The following SYTL2 variants were observed in gnomAD, a reference collection of about 807,000 sequenced individuals.
SYTL2 encodes synaptotagmin-like protein 2.
A neutral mutation model predicts 198.7 loss-of-function variants in SYTL2; 165 were observed. The ratio of observed to expected loss-of-function variants is 0.83; its 90% CI spans 0.73 to 0.94. The LOEUF (loss-of-function observed/expected upper bound fraction) is 0.94. SYTL2 is among the 40% of genes least tolerant of loss of function. The pLI, the probability that SYTL2 is intolerant of heterozygous loss-of-function variation, is 0.00. For synonymous variants in SYTL2, 966 were observed against 917.7 expected (o/e 1.05, Z -0.95); for missense variants, 2,835 against 2,582.8 (o/e 1.10, Z -2.12).
chr11:85,773,332 G>C (rs949870849), intron 1 of SYTL2, among the ~76,000 whole-genome samples: 8 of 152,170 alleles, frequency 5.3e-5, no homozygotes, highest in African/African-American at 1.9e-4. Context: ...ACAGTACCTT[G>C]AAGTTAGTTC....
chr11:85,742,432 C>T (rs2090865845), intron 4 of SYTL2, among the ~76,000 whole-genome samples: 1 of 152,206 alleles, frequency 6.6e-6, no homozygotes. Flanking sequence ...CCCACCTTGG[C>T]TCAGCCATGT....
At chr11:85,728,025 T>C in intron 7 of SYTL2, 58 bp from the exon 8 acceptor site, 1 of 1,399,580 alleles carries the variant, frequency 7.1e-7, no homozygotes, top group Middle Eastern at 2.0e-4. Context: ...GAACTGTTAA[T>C]CATTCACATC....
chr11:85,840,500 A>C, the SYTL2 span, among the ~76,000 whole-genome samples: 2 of 152,174 alleles, frequency 1.3e-5, no homozygotes, highest in East Asian at 1.9e-4. Context: ...AGGGCTACCA[A>C]AACAGCATGG....
intron 1 of SYTL2, among the ~76,000 whole-genome samples, chr11:85,763,958 A>G (rs1372643801): frequency 6.6e-6 from 1 of 152,250 alleles, no homozygotes; most frequent in Non-Finnish European, 1.5e-5. Context: ...CCTCCCTCTC[A>G]GCAGAAAGAT....
Position 85,737,630 on chromosome 11 carries a change from C to A in SYTL2, c.416G>T (p.Ser139Ile), listed in dbSNP as rs1012803865. The change falls in exon 5 of 20, where the codon AGT becomes ATT. Residue 139 changes from serine to isoleucine, a missense_variant. Around this residue, in one of 3 missense-constraint regions of SYTL2, gnomAD observed 2,645 missense variants for 2,381.7 expected, o/e 1.11. Transcript: ENST00000359152. ...GTTTTCCTGGGACATATCAATCACA[C>A]TGGAAGCTGGATTTACCACACTGGA... ...PSSSVVNPASSVIDMSQENTR... is the reference protein window; with the variant it reads ...PSSSVVNPASIVIDMSQENTR... 2 of 1,613,786 alleles carry A rather than the reference C, an allele frequency of 1.2e-6. No homozygotes were observed. Among genetic ancestry groups the A allele is most frequent in the African/African-American group, 2.7e-5 (2 of 74,918 alleles).
chr11:85,822,964 C>T, the SYTL2 span, among the ~76,000 whole-genome samples: 3 of 152,218 alleles, frequency 2.0e-5, no homozygotes, highest in African/African-American at 2.4e-5. Flanking sequence ...ATGGTAAGGT[C>T]GCCATGCTGG....
the SYTL2 span, chr11:85,853,343 G>T: frequency 2.2e-6 from 1 of 444,950 alleles, no homozygotes; most frequent in African/African-American, 2.0e-5. Flanking sequence ...TTGGGATGCT[G>T]TTGATCTATG....
At chr11:85,731,209 C>T (rs547644656) in intron 7 of SYTL2, among the ~76,000 whole-genome samples, 1 of 152,322 alleles carries the variant, frequency 6.6e-6, no homozygotes, top group Admixed American at 6.5e-5. Context: ...CTACCATTGA[C>T]TCTCATCACA....
At chr11:85,805,618 G>A (rs2092948915) in intron 1 of SYTL2, among the ~76,000 whole-genome samples, 1 of 152,228 alleles carries the variant, frequency 6.6e-6, no homozygotes, top group African/African-American at 2.4e-5. Context: ...CTGTGGCCGG[G>A]AGGGATGGCA....
Position 85,725,000 on chromosome 11 carries a change from T to A in SYTL2, c.4358A>T (p.Gln1453Leu). 1 of 1,614,094 alleles carries A rather than the reference T, an allele frequency of 6.2e-7. No individual in the cohort carries two copies. The highest frequency in any genetic ancestry group is 8.5e-7 in the Non-Finnish European group (1 of 1,179,974). ...AAGCGTCTGGTCTGATGGAGACATT[T>A]GGGCAGCTAAATAAGATCCAACTTC... ...THEVGSYLAA[Q>L]MSPSDQTLSS... Residue 1453 changes from glutamine to leucine, a missense_variant, in exon 8 of 20, where the codon CAA becomes CTA. Physicochemically the swap from Gln to Leu is moderately radical, Grantham distance 113. This residue lies in a region of SYTL2 where 2,645 missense variants were observed against 2,381.7 expected (regional missense o/e 1.11). Coordinates refer to ENST00000359152, the MANE Select transcript of SYTL2 (RefSeq NM_206927.4).
intron 2 of SYTL2, among the ~76,000 whole-genome samples, chr11:85,755,470 G>C (rs113867876): frequency 6.6e-6 from 1 of 152,080 alleles, no homozygotes; most frequent in Non-Finnish European, 1.5e-5. Flanking sequence ...AAAACACAAA[G>C]GCAGCACCAG....
In SYTL2 at chr11:85,725,137, T is replaced by C. The variant is rs566050948; in HGVS notation, c.4221A>G (p.Val1407=). Residue 1407 remains valine, a synonymous_variant, in exon 8 of 20, where the codon GTA becomes GTG. Coordinates refer to ENST00000359152, the MANE Select transcript of SYTL2 (RefSeq NM_206927.4). The part of the protein sequence containing the change: ...NPEFPEAVQP[V]CSPLNPPGVI... ...CTCCTGGAGGATTTAGGGGGCTACA[T>C]ACTGGCTGTACTGCTTCAGGAAATT... 19 of 1,614,118 alleles carry C rather than the reference T, an allele frequency of 1.2e-5. No individual in the cohort carries two copies. The South Asian group carries it at 2.0e-4, about 17-fold the overall frequency.
intron 14 of SYTL2, among the ~76,000 whole-genome samples, chr11:85,708,770 A>C (rs1303152258): frequency 1.3e-5 from 2 of 151,024 alleles, no homozygotes; most frequent in Non-Finnish European, 2.9e-5. Context: ...TATCTGTAAA[A>C]TGAAGGAACT....
intron 16 of SYTL2, among the ~76,000 whole-genome samples, chr11:85,701,656 T>C (rs921856558): frequency 1.3e-5 from 2 of 152,242 alleles, no homozygotes; most frequent in Non-Finnish European, 2.9e-5. Flanking sequence ...GATTTTGATA[T>C]AACATTTGAG....
Position 85,734,681 on chromosome 11 carries a change from C to A in SYTL2, c.648G>T (p.Glu216Asp). Residue 216 changes from glutamate to aspartate, a missense_variant, in exon 7 of 20, where the codon GAG becomes GAT. By Grantham distance (45) the Glu-to-Asp change is conservative. This residue lies in a region of SYTL2 where 2,645 missense variants were observed against 2,381.7 expected (regional missense o/e 1.11). Coordinates refer to ENST00000359152, the MANE Select transcript of SYTL2 (RefSeq NM_206927.4). ...TVADTSIQKL[E>D]KSKQTLPGLS... Reference sequence around the variant, plus strand: ...GGCCTGGCAAAGTCTGCTTTGATTTCTCTAACTTTTGGATTGAAGTATCTG... The same window carrying A: ...GGCCTGGCAAAGTCTGCTTTGATTTATCTAACTTTTGGATTGAAGTATCTG... 6.2e-7 allele frequency: 1 copy of A among 1,614,156 alleles called. No individual in the cohort carries two copies. The highest frequency in any genetic ancestry group is 8.5e-7 in the Non-Finnish European group (1 of 1,180,016).
At chr11:85,788,692 G>T (rs969733509) in intron 1 of SYTL2, among the ~76,000 whole-genome samples, 20 of 151,848 alleles carry the variant, frequency 1.3e-4, no homozygotes, top group Admixed American at 5.3e-4. Context: ...GTCAATAGCT[G>T]CTCTGACCTT....
At chr11:85,843,834 T>A in the SYTL2 span, among the ~76,000 whole-genome samples, 1 of 152,134 alleles carries the variant, frequency 6.6e-6, no homozygotes, top group Admixed American at 6.6e-5. Context: ...ATTTTATAGA[T>A]AAGGAAATTG....
chr11:85,697,529 G>A (rs1473101941), intron 18 of SYTL2, among the ~76,000 whole-genome samples: 1 of 152,214 alleles, frequency 6.6e-6, no homozygotes, highest in Non-Finnish European at 1.5e-5. Context: ...CAAGCTCTTA[G>A]TAAGGGTTGA....
chr11:85,726,367 A>G lies in SYTL2; in HGVS notation c.2991T>C (p.Ser997=). 5 of 1,613,772 alleles carry G rather than the reference A, an allele frequency of 3.1e-6. No homozygotes were observed. The highest frequency in any genetic ancestry group is 4.2e-6 in the Non-Finnish European group (5 of 1,179,936). ...TGGTAATATTCTTGTCATTATCCTT[A>G]CTGTTTGAATTAGCTTCTAAGTCCC... ...KFWDLEANSN[S]KDNDKNITTT... is the part of the protein sequence containing the mutation. The change falls in exon 8 of 20, where the codon AGT becomes AGC. Residue 997 remains serine (S), a synonymous_variant. Coordinates refer to ENST00000359152, the MANE Select transcript of SYTL2 (RefSeq NM_206927.4).
Sources: gnomAD v4.1 joint callset for allele counts (sites outside exome capture counted in the v4.1 genomes callset) on GRCh38, gnomAD v4.1.1 for gene constraint, gnomAD v4.1.1 regional missense constraint, MANE v1.5 for transcripts, NCBI Gene and HGNC (gene_info 2026-07-23, HGNC 2026-07-21) for gene names.